Variants in ADGRL3 observed in about 807,000 individuals in gnomAD.
The protein encoded by ADGRL3 is calcium-independent alpha-latrotoxin receptor 3.
In ADGRL3, 62 loss-of-function variants were observed where a neutral mutation model predicts 153.5. That is an observed-to-expected ratio of 0.40 (90% confidence interval 0.33 to 0.50). The LOEUF is 0.50. Among genes scored for constraint, ADGRL3 ranks in the 20% least tolerant of loss-of-function variants. The pLI, the probability that ADGRL3 is intolerant of heterozygous loss-of-function variation, is 0.47. For missense variants in ADGRL3, 1,641 were observed against 1,859.4 expected, an observed-to-expected ratio of 0.88 and a Z score of 2.16; for synonymous variants, 710 against 672.5, an observed-to-expected ratio of 1.06 and a Z score of -0.86.
chr4:61,512,163 T>C (rs1409699978), intron 3 of ADGRL3, among the ~76,000 whole-genome samples: 2 of 152,174 alleles, frequency 1.3e-5, no homozygotes, highest in East Asian at 3.9e-4. Flanking sequence ...GAATAGACAT[T>C]TCAGTAGCAA....
intron 8 of ADGRL3, among the ~76,000 whole-genome samples, chr4:61,744,564 C>A (rs532761809): frequency 2.0e-5 from 3 of 152,130 alleles, no homozygotes; most frequent in Non-Finnish European, 4.4e-5. Flanking sequence ...CACAAAAATC[C>A]GCTGTTCTGC....
At chr4:61,415,969 G>A (rs1414154830) in intron 2 of ADGRL3, among the ~76,000 whole-genome samples, 2 of 151,848 alleles carry the variant, frequency 1.3e-5, no homozygotes, top group Non-Finnish European at 2.9e-5. Flanking sequence ...AAAGTATTAC[G>A]TCTTTTAAAA....
At chr4:61,394,591 G>A (rs980068442) in intron 2 of ADGRL3, among the ~76,000 whole-genome samples, 32 of 151,598 alleles carry the variant, frequency 2.1e-4, no homozygotes, top group African/African-American at 7.0e-4. Flanking sequence ...AAAAAATTAC[G>A]TATCTTCCCT....
intron 9 of ADGRL3, among the ~76,000 whole-genome samples, chr4:61,871,053 C>A (rs28846691): frequency 0.044 from 6,732 of 152,086 alleles, 213 homozygotes; most frequent in Non-Finnish European, 0.068. Context: ...CCAAGGCGGG[C>A]GAATCACGAG....
In ADGRL3 at chr4:61,935,932, T is replaced by C; in HGVS notation, c.2306T>C (p.Val769Ala). 1 of 1,592,430 alleles carries C rather than the reference T, an allele frequency of 6.3e-7. No homozygotes were observed. Among genetic ancestry groups the C allele is most frequent in the Non-Finnish European group, 8.6e-7 (1 of 1,168,346 alleles). The stretch of plus-strand genomic sequence containing the variant: ...TCTTTGATATTAACAGAATTGGAAG[T>C]TGCAAGACTGAGCACAGAAGGAAAC... The part of the protein sequence containing the change: ...RENTDNIKLE[V>A]ARLSTEGNLE... Residue 769 changes from valine to alanine, a missense_variant, in exon 15 of 27, where the codon GTT becomes GCT. Val to Ala is a moderately conservative substitution (Grantham distance 64). Around this residue, in one of 5 missense-constraint regions of ADGRL3, gnomAD observed 734 missense variants for 797.0 expected, o/e 0.92. Coordinates refer to ENST00000683033, the MANE Select transcript of ADGRL3 (RefSeq NM_001387552.1).
chr4:61,617,081 G>A (rs950707861), intron 5 of ADGRL3, among the ~76,000 whole-genome samples: 2 of 152,064 alleles, frequency 1.3e-5, no homozygotes, highest in African/African-American at 4.8e-5. Context: ...TCCATTTAAT[G>A]AAAATCCAGA....
At chr4:61,378,017 A>C (rs1242482702) in intron 1 of ADGRL3, among the ~76,000 whole-genome samples, 1 of 151,866 alleles carries the variant, frequency 6.6e-6, no homozygotes, top group East Asian at 1.9e-4. Flanking sequence ...TTTTCTTTTT[A>C]TTTCTAATTT....
chr4:61,337,442 T>C (rs374363399), intron 1 of ADGRL3, among the ~76,000 whole-genome samples: 3 of 152,176 alleles, frequency 2.0e-5, no homozygotes, highest in African/African-American at 4.8e-5. Flanking sequence ...TGCAACATGC[T>C]TGGGTTGCTA....
chr4:61,239,729 G>A (rs1194958330), intron 1 of ADGRL3, among the ~76,000 whole-genome samples: 1 of 152,092 alleles, frequency 6.6e-6, no homozygotes. Context: ...GTGCTTGAAT[G>A]TAATTAAATT....
intron 8 of ADGRL3, among the ~76,000 whole-genome samples, chr4:61,806,300 G>A (rs2097551479): frequency 6.6e-6 from 1 of 151,964 alleles, no homozygotes; most frequent in Non-Finnish European, 1.5e-5. Context: ...TAAAATTATA[G>A]CAAATGTTAA....
At chr4:61,362,622 A>G (rs868483009) in intron 1 of ADGRL3, among the ~76,000 whole-genome samples, 1 of 152,152 alleles carries the variant, frequency 6.6e-6, no homozygotes, top group Non-Finnish European at 1.5e-5. Context: ...CATATGAAAG[A>G]GATAATAAAT....
intron 9 of ADGRL3, among the ~76,000 whole-genome samples, chr4:61,831,765 A>C (rs2097872622): frequency 1.3e-5 from 2 of 152,264 alleles, no homozygotes; most frequent in African/African-American, 4.8e-5. Flanking sequence ...CCTCATGCTA[A>C]GGTGACCTAG....
chr4:61,298,106 A>AT (rs2094470473), intron 1 of ADGRL3, among the ~76,000 whole-genome samples: 1 of 152,062 alleles, frequency 6.6e-6, no homozygotes, highest in Admixed American at 6.6e-5. Flanking sequence ...GTTACTGTTT[A>AT]TTTTTTACTG....
chr4:61,728,476 A>G (rs1286629904), intron 6 of ADGRL3, among the ~76,000 whole-genome samples: 1 of 152,082 alleles, frequency 6.6e-6, no homozygotes, highest in Non-Finnish European at 1.5e-5. Context: ...ACCTTTGCCA[A>G]TACTTTTTTG....
At chr4:61,801,951 T>A (rs2097502895) in intron 8 of ADGRL3, among the ~76,000 whole-genome samples, 1 of 152,160 alleles carries the variant, frequency 6.6e-6, no homozygotes, top group African/African-American at 2.4e-5. Context: ...TTTACCATGT[T>A]TTTTATTTGC....
intron 8 of ADGRL3, among the ~76,000 whole-genome samples, chr4:61,768,496 A>G (rs531400505): frequency 6.6e-6 from 1 of 152,128 alleles, no homozygotes; most frequent in African/African-American, 2.4e-5. Flanking sequence ...TGTGTAAAAG[A>G]ATGCCTGGAC....
At chr4:62,026,002 G>T (rs934990854) in intron 21 of ADGRL3, among the ~76,000 whole-genome samples, 1 of 152,070 alleles carries the variant, frequency 6.6e-6, no homozygotes, top group Non-Finnish European at 1.5e-5. Flanking sequence ...TATAAAACTA[G>T]ATTATCTAGG....
chr4:61,415,744 C>G (rs2097137684), intron 2 of ADGRL3, among the ~76,000 whole-genome samples: 1 of 151,884 alleles, frequency 6.6e-6, no homozygotes. Flanking sequence ...AAGAAATGAT[C>G]TTTATTTAAA....
intron 6 of ADGRL3, among the ~76,000 whole-genome samples, chr4:61,684,766 T>G (rs888708873): frequency 2.2e-5 from 2 of 92,052 alleles, no homozygotes; most frequent in Admixed American, 9.7e-5. Context: ...CTTTTCTGTT[T>G]GTTGTATTTT....
Sources: gnomAD v4.1 joint callset for allele counts (sites outside exome capture counted in the v4.1 genomes callset) on GRCh38, gnomAD v4.1.1 for gene constraint, gnomAD v4.1.1 regional missense constraint, MANE v1.5 for transcripts, NCBI Gene and HGNC (gene_info 2026-07-23, HGNC 2026-07-21) for gene names.